The following PTPRG variants were observed in gnomAD, a reference collection of about 807,000 sequenced individuals.
The protein encoded by PTPRG is receptor-type tyrosine-protein phosphatase gamma.
A neutral mutation model predicts 165.3 loss-of-function variants in PTPRG; 102 were observed. That is an observed-to-expected ratio of 0.62 (90% CI 0.53 to 0.73). The LOEUF (loss-of-function observed/expected upper bound fraction) is 0.73, where lower values mean the gene tolerates loss of function less well. Ranked by LOEUF, PTPRG falls within the 30% of genes least tolerant of loss-of-function variation. The pLI, the probability that PTPRG is intolerant of heterozygous loss-of-function variation, is 0.00. For synonymous variants in PTPRG, 675 were observed against 669.5 expected (o/e 1.01, Z -0.13); for missense variants, 1,866 against 1,861.4 (o/e 1.00, Z -0.05).
chr3:61,590,026 C>G (rs1039646406), intron 1 of PTPRG, among the ~76,000 whole-genome samples: 1 of 151,846 alleles, frequency 6.6e-6, no homozygotes, highest in African/African-American at 2.4e-5. Context: ...TGATGCTTTC[C>G]GAGACACGTG....
chr3:61,791,977 G>C (rs926891309), intron 2 of PTPRG, among the ~76,000 whole-genome samples: 3 of 152,316 alleles, frequency 2.0e-5, no homozygotes, highest in East Asian at 1.9e-4. Flanking sequence ...AGGCAGAAAA[G>C]TACATGTTTA....
At chr3:61,742,908 G>GAC (rs755133529) in intron 1 of PTPRG, 136 of 1,455,594 alleles carry the variant, frequency 9.3e-5, no homozygotes, top group African/African-American at 4.6e-4. Context: ...GGTCCCCCAG[G>GAC]ACACACACAC....
chr3:61,977,567 A>G (rs1575843050), intron 2 of PTPRG, among the ~76,000 whole-genome samples: 1 of 148,032 alleles, frequency 6.8e-6, no homozygotes, highest in East Asian at 2.0e-4. Context: ...GATGTGATAT[A>G]TTTCTGTAAT....
intron 2 of PTPRG, among the ~76,000 whole-genome samples, chr3:61,788,673 A>T (rs932314355): frequency 6.6e-6 from 1 of 152,230 alleles, no homozygotes; most frequent in African/African-American, 2.4e-5. Flanking sequence ...TCTAGACCAG[A>T]GGTTGCAGAT....
intron 2 of PTPRG, among the ~76,000 whole-genome samples, chr3:61,924,848 A>G (rs1407985388): frequency 1.3e-5 from 2 of 152,170 alleles, no homozygotes; most frequent in African/African-American, 4.8e-5. Context: ...CATATACTGA[A>G]GCCTTGCTCC....
intron 4 of PTPRG, among the ~76,000 whole-genome samples, chr3:62,063,749 T>TGCCTCATCCTCCC (rs1700902755): frequency 6.6e-6 from 1 of 152,174 alleles, no homozygotes; most frequent in Non-Finnish European, 1.5e-5. Flanking sequence ...GCAATCCTCC[T>TGCCTCATCCTCCC]GCCTCATCCT....
At chr3:61,581,466 T>G (rs1700292131) in intron 1 of PTPRG, among the ~76,000 whole-genome samples, 1 of 152,214 alleles carries the variant, frequency 6.6e-6, no homozygotes, top group Non-Finnish European at 1.5e-5. Context: ...CATTTCTGAG[T>G]GCAGGCTGTG....
At chr3:61,806,799 G>A (rs942565214) in intron 2 of PTPRG, among the ~76,000 whole-genome samples, 2 of 152,138 alleles carry the variant, frequency 1.3e-5, no homozygotes, top group Admixed American at 6.5e-5. Flanking sequence ...CAATCTATCT[G>A]ATTTTGCTGT....
chr3:61,928,672 A>AT (rs1038296146), intron 2 of PTPRG, among the ~76,000 whole-genome samples: 49 of 151,386 alleles, frequency 3.2e-4, no homozygotes, highest in African/African-American at 8.5e-4. Flanking sequence ...CACTGGTTTG[A>AT]TTTTTTTTTC....
At chr3:62,265,143 G>A (rs1395501780) in intron 17 of PTPRG, among the ~76,000 whole-genome samples, 2 of 152,168 alleles carry the variant, frequency 1.3e-5, no homozygotes, top group Admixed American at 6.5e-5. Flanking sequence ...GCTTACTTTT[G>A]TCTTTTGTTG....
chr3:61,720,647 G>A (rs1304809332), intron 1 of PTPRG, among the ~76,000 whole-genome samples: 1 of 152,196 alleles, frequency 6.6e-6, no homozygotes, highest in Non-Finnish European at 1.5e-5. Flanking sequence ...AGGTTTGGAT[G>A]GCAAGAACTT....
intron 1 of PTPRG, among the ~76,000 whole-genome samples, chr3:61,691,318 G>C (rs554908557): frequency 9.9e-5 from 15 of 152,206 alleles, no homozygotes; most frequent in African/African-American, 3.1e-4. Flanking sequence ...GATACAAGAG[G>C]ATCGCTTAAG....
At chr3:61,592,225 C>T (rs1700586513) in intron 1 of PTPRG, among the ~76,000 whole-genome samples, 2 of 151,984 alleles carry the variant, frequency 1.3e-5, no homozygotes, top group Admixed American at 1.3e-4. Flanking sequence ...CCTCAGCCTC[C>T]CAAAGTGCTG....
At chr3:61,792,463 G>A (rs111902173) in intron 2 of PTPRG, among the ~76,000 whole-genome samples, 12 of 152,194 alleles carry the variant, frequency 7.9e-5, no homozygotes, top group African/African-American at 2.6e-4. Context: ...CTGGGCTCAA[G>A]CAGTTTTCCC....
chr3:62,280,949 A>G (rs1416926950), intron 26 of PTPRG, among the ~76,000 whole-genome samples: 3 of 152,072 alleles, frequency 2.0e-5, no homozygotes, highest in Non-Finnish European at 4.4e-5. Flanking sequence ...TGAGGACTAC[A>G]GGTAATAAAA....
intron 2 of PTPRG, among the ~76,000 whole-genome samples, chr3:61,942,241 C>T (rs190253756): frequency 1.3e-5 from 2 of 152,146 alleles, no homozygotes; most frequent in African/African-American, 4.8e-5. Context: ...TTCCCTTTAC[C>T]TGGGTGCTCT....
chr3:61,762,354 G>T (rs1486575124), intron 2 of PTPRG, among the ~76,000 whole-genome samples: 1 of 152,176 alleles, frequency 6.6e-6, no homozygotes, highest in Non-Finnish European at 1.5e-5. Context: ...GCTGGGCATG[G>T]CGGCTCATGC....
At chr3:61,753,714 C>T in intron 2 of PTPRG, 1 of 405,330 alleles carries the variant, frequency 2.5e-6, no homozygotes, top group South Asian at 1.8e-5. Context: ...ACGCTTCAGC[C>T]TCTCAAGTAG....
intron 9 of PTPRG, among the ~76,000 whole-genome samples, chr3:62,194,313 A>G (rs1318579222): frequency 5.9e-5 from 9 of 152,160 alleles, no homozygotes; most frequent in African/African-American, 1.9e-4. Flanking sequence ...TGCTGGGCCT[A>G]TGTTATGTAA....
Sources: allele counts gnomAD v4.1 joint callset (sites outside exome capture counted in the v4.1 genomes callset), GRCh38; gene constraint gnomAD v4.1.1; transcripts MANE v1.5; gene names NCBI Gene and HGNC (gene_info 2026-07-23, HGNC 2026-07-21).